Variants in HS3ST5 observed in about 807,000 individuals in gnomAD.
HS3ST5 encodes heparan sulfate-glucosamine 3-sulfotransferase 5, also known as heparan sulfate glucosamine 3-O-sulfotransferase 5.
In HS3ST5, 10 loss-of-function variants were observed where a neutral mutation model predicts 25.4. The ratio of observed to expected loss-of-function variants is 0.39; its 90% CI spans 0.24 to 0.67. The LOEUF (loss-of-function observed/expected upper bound fraction) is 0.67. HS3ST5 is among the 30% of genes least tolerant of loss of function. HS3ST5 has a pLI of 0.44. For synonymous variants in HS3ST5, 170 were observed against 162.4 expected (o/e 1.05, Z -0.36); for missense variants, 324 against 420.7 (o/e 0.77, Z 2.01).
At chr6:114,234,449 G>C (rs543891463) in intron 1 of HS3ST5, among the ~76,000 whole-genome samples, 12 of 152,070 alleles carry the variant, frequency 7.9e-5, no homozygotes, top group Admixed American at 7.9e-4. Flanking sequence ...AGTACTAAAA[G>C]ATATTTTAGG....
intron 2 of HS3ST5, among the ~76,000 whole-genome samples, chr6:114,192,735 C>T (rs771562856): frequency 3.9e-5 from 6 of 152,130 alleles, no homozygotes; most frequent in Non-Finnish European, 8.8e-5. Flanking sequence ...CAGAACTATA[C>T]AATTTGGGGA....
At chr6:114,152,945 T>C (rs1254206872) in intron 3 of HS3ST5, among the ~76,000 whole-genome samples, 1 of 152,198 alleles carries the variant, frequency 6.6e-6, no homozygotes, top group East Asian at 1.9e-4. Context: ...CCTAATAATT[T>C]TCATGCTCTT....
At chr6:114,302,732 G>C (rs953266470) in intron 1 of HS3ST5, among the ~76,000 whole-genome samples, 3 of 152,006 alleles carry the variant, frequency 2.0e-5, no homozygotes, top group Non-Finnish European at 4.4e-5. Flanking sequence ...CATCCTTACG[G>C]GACATCTTTG....
intron 3 of HS3ST5, 59 bp from the exon 4 acceptor site, chr6:114,062,936 G>T (rs551581092): frequency 2.5e-5 from 24 of 952,358 alleles, no homozygotes; most frequent in Non-Finnish European, 3.8e-5. Context: ...TTGTCACAGA[G>T]CTAAGCAGAG....
chr6:114,124,666 TGAAAATAAACCTTGATAACCAGAG>T (rs1776952964), intron 3 of HS3ST5, among the ~76,000 whole-genome samples: 1 of 151,478 alleles, frequency 6.6e-6, no homozygotes, highest in Admixed American at 6.6e-5. Flanking sequence ...GACCAGCTAA[TGAAAATAAACCTTGATAACCAGAG>T]GAAAAAAAAT....
At chr6:114,134,585 G>A (rs531226636) in intron 3 of HS3ST5, among the ~76,000 whole-genome samples, 59 of 152,292 alleles carry the variant, frequency 3.9e-4, no homozygotes, top group African/African-American at 1.3e-3. Flanking sequence ...TAAGCCGCAC[G>A]TGGAATTGTC....
intron 3 of HS3ST5, among the ~76,000 whole-genome samples, chr6:114,155,959 A>T (rs1454269478): frequency 6.6e-6 from 1 of 152,228 alleles, no homozygotes; most frequent in African/African-American, 2.4e-5. Flanking sequence ...TACTGTAAGT[A>T]ACAGCCACCA....
chr6:114,211,057 A>G (rs1781491647), intron 2 of HS3ST5, among the ~76,000 whole-genome samples: 1 of 152,178 alleles, frequency 6.6e-6, no homozygotes, highest in South Asian at 2.1e-4. Flanking sequence ...ATAATGTACT[A>G]TTTTAGGCAT....
At position 114,194,293 on chromosome 6, in the gene HS3ST5, G is replaced by C. The variant is rs144621872; in HGVS notation, c.-144-25831C>G. ...AATATTAAATAATTATGATCACTTC[G>C]TAAATAAAAATAAAATTCTAAGCCC... On this transcript the variant is annotated intron_variant, in intron 2 of 4. Coordinates refer to ENST00000312719, the MANE Select transcript of HS3ST5 (RefSeq NM_153612.4). Among the ~76,000 whole-genome samples, 18 of 152,164 alleles carry C rather than the reference G, an allele frequency of 1.2e-4. No individual in the cohort carries two copies. The East Asian group carries it at 3.3e-3, about 28-fold the overall frequency.
intron 3 of HS3ST5, among the ~76,000 whole-genome samples, chr6:114,136,518 A>G (rs1387883790): frequency 6.6e-6 from 1 of 152,224 alleles, no homozygotes; most frequent in Non-Finnish European, 1.5e-5. Context: ...ATGAGAACAG[A>G]CTAATACACC....
intron 3 of HS3ST5, among the ~76,000 whole-genome samples, chr6:114,132,910 G>T (rs1777411687): frequency 6.6e-6 from 1 of 152,158 alleles, no homozygotes; most frequent in African/African-American, 2.4e-5. Context: ...ATGTTAATGT[G>T]TCTTACACAA....
At chr6:114,140,569 C>A (rs560750173) in intron 3 of HS3ST5, among the ~76,000 whole-genome samples, 1 of 152,114 alleles carries the variant, frequency 6.6e-6, no homozygotes, top group East Asian at 1.9e-4. Flanking sequence ...TAAATAAAGG[C>A]TTAGAAAGCA....
intron 3 of HS3ST5, among the ~76,000 whole-genome samples, chr6:114,097,997 A>C (rs1477124748): frequency 6.6e-6 from 1 of 152,012 alleles, no homozygotes; most frequent in Non-Finnish European, 1.5e-5. Context: ...TGACTCATGT[A>C]CAGACATTTA....
chr6:114,229,978 G>A (rs951614971), intron 1 of HS3ST5, among the ~76,000 whole-genome samples: 5 of 152,118 alleles, frequency 3.3e-5, no homozygotes, highest in Non-Finnish European at 7.3e-5. Flanking sequence ...GGCATTTCTG[G>A]TTGACAAAAT....
At position 114,084,221 on chromosome 6, in the gene HS3ST5, C is replaced by G; in HGVS notation, c.-32-21344G>C. ...CATTCAGTGGCCTGAGCAATGGGAG[C>G]TGCAGACCAGTCTTCCGTGGCAGGC... On this transcript the variant is annotated intron_variant, in intron 3 of 4. Coordinates refer to ENST00000312719, the MANE Select transcript of HS3ST5 (RefSeq NM_153612.4). 13 of 1,099,632 alleles carry G rather than the reference C, an allele frequency of 1.2e-5. No individual in the cohort carries two copies. In the South Asian group the frequency reaches 1.2e-4, roughly 10 times the overall value. 68.1% of individuals were successfully genotyped at this position (1,099,632 alleles called of 1,614,324 possible). A position where few individuals can be genotyped will look rare whatever the true frequency, so the allele number is the denominator to read the frequency against.
chr6:114,304,507 G>T (rs2114820580), intron 1 of HS3ST5, among the ~76,000 whole-genome samples: 1 of 152,078 alleles, frequency 6.6e-6, no homozygotes, highest in East Asian at 1.9e-4. Context: ...CCCTCTAGTG[G>T]CAAAAGAAGC....
intron 2 of HS3ST5, among the ~76,000 whole-genome samples, chr6:114,194,313 A>G (rs1173104110): frequency 6.6e-6 from 1 of 152,198 alleles, no homozygotes; most frequent in African/African-American, 2.4e-5. Flanking sequence ...ATAAAATTCT[A>G]AGCCCCCCTC....
chr6:114,113,260 A>G (rs1365156558), intron 3 of HS3ST5, among the ~76,000 whole-genome samples: 1 of 152,168 alleles, frequency 6.6e-6, no homozygotes, highest in Non-Finnish European at 1.5e-5. Context: ...AATTTTTTCT[A>G]AAGTGTAGAT....
chr6:114,236,312 C>G (rs1190575534), intron 1 of HS3ST5, among the ~76,000 whole-genome samples: 10 of 152,302 alleles, frequency 6.6e-5, no homozygotes, highest in African/African-American at 2.4e-4. Context: ...TACATAGGTA[C>G]ACTCAGGTCA....
Sources: allele counts gnomAD v4.1 joint callset (sites outside exome capture counted in the v4.1 genomes callset), GRCh38; gene constraint gnomAD v4.1.1; transcripts MANE v1.5; gene names NCBI Gene and HGNC (gene_info 2026-07-23, HGNC 2026-07-21).